VAV2: variants seen among roughly 807,000 people sequenced by gnomAD.
The protein encoded by VAV2 is guanine nucleotide exchange factor VAV2.
Under a neutral mutation model 132.5 loss-of-function variants are expected in VAV2, and 67 were observed. That is an observed-to-expected ratio of 0.51 (90% CI 0.42 to 0.62). VAV2 has a LOEUF of 0.62. VAV2 is among the 20% of genes least tolerant of loss of function. The pLI, the probability that VAV2 is intolerant of heterozygous loss-of-function variation, is 0.00. For synonymous variants in VAV2, 492 were observed against 443.5 expected, an observed-to-expected ratio of 1.11 and a Z score of -1.37; for missense variants, 938 against 1,153.6, an observed-to-expected ratio of 0.81 and a Z score of 2.71.
At chr9:133,882,035 C>A (rs1285588725) in intron 2 of VAV2, among the ~76,000 whole-genome samples, 1 of 152,200 alleles carries the variant, frequency 6.6e-6, no homozygotes, top group Admixed American at 6.5e-5. Context: ...CCAGAAGGTT[C>A]CTCTCCCAAG....
At chr9:133,940,964 A>T (rs964717546) in intron 1 of VAV2, among the ~76,000 whole-genome samples, 7 of 151,056 alleles carry the variant, frequency 4.6e-5, no homozygotes, top group Non-Finnish European at 8.8e-5. Context: ...CCAATATGGG[A>T]TCACACACAG....
chr9:133,819,934 T>C (rs1835719522), intron 4 of VAV2, among the ~76,000 whole-genome samples: 1 of 152,242 alleles, frequency 6.6e-6, no homozygotes, highest in Non-Finnish European at 1.5e-5. Context: ...ATCAAACGTA[T>C]TTGATAAAAC....
intron 2 of VAV2, among the ~76,000 whole-genome samples, chr9:133,920,649 G>T (rs370741275): frequency 3.5e-5 from 5 of 144,516 alleles, no homozygotes; most frequent in African/African-American, 9.9e-5. Flanking sequence ...ACCAGGTCCC[G>T]CCCACCCCTA....
At position 133,788,697 on chromosome 9, in the gene VAV2, C is replaced by T. The variant is rs1834334097; in HGVS notation, c.1275-211G>A. On this transcript the variant is annotated intron_variant, in intron 14 of 29. Transcript: ENST00000371850. This position sits in a 1 kb window ranked among gnomAD's most constrained non-coding sequence, Gnocchi z 5.3. ...CCAGGAAGCCTTCCTTGGCTCCCTA[C>T]CCCCGTGACTGAGGCTGTGCCAGGA... Among the ~76,000 whole-genome samples, 1 of 152,130 alleles carries T rather than the reference C, an allele frequency of 6.6e-6. No individual in the cohort carries two copies. Among genetic ancestry groups the T allele is most frequent in the South Asian group, 2.1e-4 (1 of 4,836 alleles).
chr9:133,917,699 G>A (rs1017439425), intron 2 of VAV2, among the ~76,000 whole-genome samples: 7 of 152,150 alleles, frequency 4.6e-5, no homozygotes, highest in African/African-American at 1.4e-4. Flanking sequence ...GGAGGAAAGC[G>A]ACTGGCCCAG....
chr9:133,893,145 GTCCCACCTCCCGCGAAGACTCC>G (rs1055565803), intron 2 of VAV2, among the ~76,000 whole-genome samples: 2 of 152,268 alleles, frequency 1.3e-5, no homozygotes, highest in Non-Finnish European at 2.9e-5. Flanking sequence ...GACAGCCTGA[GTCCCACCTCCCGCGAAGACTCC>G]TCTTGCCACC....
chr9:133,860,099 G>A (rs910166738), intron 3 of VAV2, among the ~76,000 whole-genome samples: 9 of 152,050 alleles, frequency 5.9e-5, no homozygotes, highest in African/African-American at 1.7e-4. Context: ...TCAGGAGATC[G>A]AGACCATCCT....
At position 133,889,478 on chromosome 9, in the gene VAV2, G is replaced by A. The variant is rs144094699; in HGVS notation, c.322-28046C>T. Among the ~76,000 whole-genome samples, 824 of 152,286 alleles carry A rather than the reference G, an allele frequency of 5.4e-3. 5 individuals carry two copies. The highest frequency in any genetic ancestry group is 0.014 in the Middle Eastern group (4 of 294). ...TCCCTTCTCTCCCCAAGGCCACCCT[G>A]AGACCCCTGGAAAGACTAAGGGATG... On this transcript the variant is annotated intron_variant, in intron 2 of 29. Transcript: ENST00000371850.
chr9:133,775,977 A>G (rs1833795329), intron 24 of VAV2, 51 bp downstream of exon 24: 1 of 1,563,654 alleles, frequency 6.4e-7, no homozygotes. Context: ...GCATGCCCCC[A>G]TAACAAAGAG....
chr9:133,946,649 G>A (rs1193147293), intron 1 of VAV2, among the ~76,000 whole-genome samples: 2 of 152,226 alleles, frequency 1.3e-5, no homozygotes, highest in African/African-American at 4.8e-5. Flanking sequence ...TGACTCCCTG[G>A]GGCCACAATG....
intron 1 of VAV2, among the ~76,000 whole-genome samples, chr9:133,986,972 G>A (rs930801445): frequency 1.3e-5 from 2 of 151,734 alleles, no homozygotes; most frequent in South Asian, 4.2e-4. Flanking sequence ...CAAAGCCTGC[G>A]TGGCACACAG....
At position 133,857,398 on chromosome 9, in the gene VAV2, G is replaced by A. The variant is rs1837425663; in HGVS notation, c.380+3976C>T. ...TTAAGTCTCCAATTCATCAGCCTCT[G>A]AGAAGTATAATTGGGGCTTTTATGG... is the stretch of plus-strand genomic sequence containing the variant. On this transcript the variant is annotated intron_variant, in intron 3 of 29. Transcript: ENST00000371850. The surrounding 1 kb of genome is among the most constrained non-coding windows in gnomAD (Gnocchi z 4.0). Among the ~76,000 whole-genome samples, 2 of 152,354 alleles carry A rather than the reference G, an allele frequency of 1.3e-5. No homozygotes were observed. The highest frequency in any genetic ancestry group is 4.1e-4 in the South Asian group (2 of 4,830).
chr9:133,774,826 T>G, intron 25 of VAV2, 109 bp downstream of exon 25: 2 of 963,430 alleles, frequency 2.1e-6, no homozygotes, highest in Non-Finnish European at 3.2e-6. Flanking sequence ...TGGCAACAGA[T>G]GACATGTCCA....
intron 1 of VAV2, among the ~76,000 whole-genome samples, chr9:133,955,593 G>A (rs1588166510): frequency 5.6e-5 from 1 of 17,930 alleles, no homozygotes; most frequent in African/African-American, 2.7e-4. Context: ...CTCCCCCCAT[G>A]ATCCTCCCCA....
chr9:133,982,705 A>G (rs2132296260), intron 1 of VAV2, among the ~76,000 whole-genome samples: 1 of 152,252 alleles, frequency 6.6e-6, no homozygotes, highest in East Asian at 1.9e-4. Context: ...CTGGTTTCAT[A>G]GGGCCCGCCG....
chr9:133,779,634 C>T (rs1334616756), intron 21 of VAV2, among the ~76,000 whole-genome samples: 1 of 152,262 alleles, frequency 6.6e-6, no homozygotes, highest in African/African-American at 2.4e-5. Flanking sequence ...AGGTCTCTGG[C>T]TGCAGTTCGG....
At chr9:133,818,651 A>G (rs937971711) in intron 4 of VAV2, among the ~76,000 whole-genome samples, 4 of 152,136 alleles carry the variant, frequency 2.6e-5, no homozygotes, top group Non-Finnish European at 4.4e-5. Context: ...TCTGGCCTCC[A>G]TAATTGCATA....
intron 2 of VAV2, among the ~76,000 whole-genome samples, chr9:133,908,350 C>T (rs1031822334): frequency 4.6e-5 from 7 of 152,110 alleles, no homozygotes; most frequent in Admixed American, 2.0e-4. Context: ...CATTGCCACA[C>T]CCAAAGCTGA....
rs1166560310 is a variant in VAV2, at chr9:133,824,110, C to T, written c.449+10162G>A. On this transcript the variant is annotated intron_variant, in intron 4 of 29. Coordinates refer to ENST00000371850, the MANE Select transcript of VAV2 (RefSeq NM_001134398.2). This position sits in a 1 kb window ranked among gnomAD's most constrained non-coding sequence, Gnocchi z 5.2. ...GGGCCCACAAGATGTCCGAGGGGGG[C>T]AGGGAGGGTCCCTGAAAGTGTGGGG... is the stretch of plus-strand genomic sequence containing the variant. Among the ~76,000 whole-genome samples the T allele has an allele frequency of 6.6e-6, 1 of 152,156 alleles. No homozygotes were observed. Among genetic ancestry groups the T allele is most frequent in the Non-Finnish European group, 1.5e-5 (1 of 68,020 alleles).
Sources: allele counts gnomAD v4.1 joint callset (sites outside exome capture counted in the v4.1 genomes callset), GRCh38; gene constraint gnomAD v4.1.1; non-coding constraint Gnocchi (gnomAD v3.1); transcripts MANE v1.5; gene names NCBI Gene and HGNC (gene_info 2026-07-23, HGNC 2026-07-21).